SMC1B: variants seen among roughly 807,000 people sequenced by gnomAD.
SMC1B encodes the protein structural maintenance of chromosomes protein 1B.
In SMC1B, 60 loss-of-function variants were observed where a neutral mutation model predicts 157.9. The ratio of observed to expected loss-of-function variants is 0.38; its 90% CI spans 0.31 to 0.47. The LOEUF is 0.47. Ranked by LOEUF, SMC1B falls within the 20% of genes least tolerant of loss-of-function variation. SMC1B has a pLI of 0.99. For missense variants in SMC1B, 1,165 were observed against 1,426.2 expected (o/e 0.82, Z 2.95); for synonymous variants, 445 against 483.0 (o/e 0.92, Z 1.03).
intron 12 of SMC1B, among the ~76,000 whole-genome samples, chr22:45,381,062 C>T (rs2086931972): frequency 6.6e-6 from 1 of 151,404 alleles, no homozygotes; most frequent in Admixed American, 6.6e-5. Flanking sequence ...TCCCAAAATG[C>T]TGGGATTACA....
chr22:45,377,250 T>C (rs1333776942), intron 12 of SMC1B, among the ~76,000 whole-genome samples: 2 of 152,226 alleles, frequency 1.3e-5, no homozygotes, highest in Admixed American at 1.3e-4. Context: ...TTCATTAGGA[T>C]TGCAGAGTTT....
intron 4 of SMC1B, among the ~76,000 whole-genome samples, chr22:45,405,971 T>C (rs73169286): frequency 6.6e-6 from 1 of 152,332 alleles, no homozygotes; most frequent in Non-Finnish European, 1.5e-5. Flanking sequence ...TTCTAATTGG[T>C]TGTGGAAAAT....
intron 5 of SMC1B, among the ~76,000 whole-genome samples, chr22:45,401,804 T>C (rs1040734363): frequency 2.6e-5 from 4 of 152,038 alleles, no homozygotes; most frequent in African/African-American, 9.7e-5. Flanking sequence ...TCCTTGTGTG[T>C]CTGCATCCTT....
chr22:45,345,643 A>T, intron 23 of SMC1B, 74 bp from the exon 24 acceptor site: 1 of 902,696 alleles, frequency 1.1e-6, no homozygotes. Context: ...GTAATTCTGC[A>T]TGTCTCTGAG....
At chr22:45,401,852 C>CA (rs2087198228) in intron 5 of SMC1B, among the ~76,000 whole-genome samples, 1 of 85,472 alleles carries the variant, frequency 1.2e-5, no homozygotes. Context: ...TCGGGTATTA[C>CA]CCCAAACACC....
rs181524535 is a variant in SMC1B, at chr22:45,349,870, A to G, written c.3426-73T>C. Reference sequence around the variant, plus strand: ...ACAAAAGACTTGGAGGAAAAGATTAACAGTATTCAGAATAAATAAAACACA... The same window carrying G: ...ACAAAAGACTTGGAGGAAAAGATTAGCAGTATTCAGAATAAATAAAACACA... On this transcript the variant is annotated intron_variant, in intron 22 of 24. Transcript: ENST00000357450. 7.5e-5 allele frequency: 87 copies of G among 1,167,478 alleles called. No individual in the cohort carries two copies. The African/African-American group carries it at 1.2e-3, about 16-fold the overall frequency. 72.3% of individuals were successfully genotyped at this position (1,167,478 alleles called of 1,614,324 possible).
At chr22:45,363,343 TTC>T (rs2086739870) in intron 15 of SMC1B, among the ~76,000 whole-genome samples, 1 of 152,228 alleles carries the variant, frequency 6.6e-6, no homozygotes, top group Non-Finnish European at 1.5e-5. Flanking sequence ...TAAAATATAA[TTC>T]ATTAATATCA....
chr22:45,360,400 G>A (rs1435582341), intron 17 of SMC1B, among the ~76,000 whole-genome samples: 2 of 151,910 alleles, frequency 1.3e-5, no homozygotes, highest in East Asian at 3.9e-4. Flanking sequence ...TTTACTAATC[G>A]AAATGATGTG....
At position 45,383,474 on chromosome 22, in the gene SMC1B, T is replaced by C; in HGVS notation, c.2051A>G (p.Glu684Gly). Residue 684 changes from glutamate (E) to glycine (G), a missense_variant, in exon 12 of 25, where the codon GAG (glutamate) becomes GGG (glycine). Glu to Gly is a moderately conservative substitution (Grantham distance 98). Transcript: ENST00000357450. ...LRDRRSQKIQELKGLMKTLRK... is the reference protein window; with the variant it reads ...LRDRRSQKIQGLKGLMKTLRK... ...TTTATGACATGGATTTACCTTTAGC[T>C]CTTGGATTTTCTGGCTTCGTCTGTC... 6.3e-7 allele frequency: 1 copy of C among 1,595,804 alleles called. No homozygotes were observed. The highest frequency in any genetic ancestry group is 8.5e-7 in the Non-Finnish European group (1 of 1,174,878).
chr22:45,393,320 G>A (rs928055690), intron 9 of SMC1B, among the ~76,000 whole-genome samples: 1 of 152,094 alleles, frequency 6.6e-6, no homozygotes, highest in Admixed American at 6.5e-5. Flanking sequence ...TATGTGTCTG[G>A]GTGGCTCAGA....
chr22:45,394,669 T>C lies in SMC1B; in HGVS notation c.1337+16A>G. On this transcript the variant is annotated intron_variant, in intron 8 of 24. Transcript: ENST00000357450. ...AAAAGAAAATTGCTGCAAGAAATTT[T>C]TTTTACTCTACCTACATGCATGTCT... is the stretch of plus-strand genomic sequence containing the variant. The C allele has an allele frequency of 6.6e-7, 1 of 1,510,578 alleles. No individual in the cohort carries two copies. Among genetic ancestry groups the C allele is most frequent in the Non-Finnish European group, 8.9e-7 (1 of 1,127,820 alleles). The allele number at this position is 1,510,578 out of a possible 1,614,324, so 93.6% of individuals were successfully genotyped here. A position where few individuals can be genotyped will look rare whatever the true frequency, so the allele number is the denominator to read the frequency against.
intron 12 of SMC1B, among the ~76,000 whole-genome samples, chr22:45,372,575 C>T (rs1033024497): frequency 1.3e-5 from 2 of 152,106 alleles, no homozygotes; most frequent in Non-Finnish European, 2.9e-5. Flanking sequence ...ACATTAATGA[C>T]ATAAATAGGA....
intron 1 of SMC1B, among the ~76,000 whole-genome samples, chr22:45,410,786 C>T (rs748165205): frequency 7.2e-5 from 11 of 152,020 alleles, no homozygotes; most frequent in Non-Finnish European, 1.2e-4. Flanking sequence ...TATCAGCCAC[C>T]GGAAATATGG....
chr22:45,377,603 CTCT>C (rs1453756612), intron 12 of SMC1B, among the ~76,000 whole-genome samples: 1 of 150,442 alleles, frequency 6.6e-6, no homozygotes, highest in Non-Finnish European at 1.5e-5. Context: ...ACCCACTGTA[CTCT>C]AGCCTGGGCA....
chr22:45,376,350 G>T (rs1339361697), intron 12 of SMC1B, among the ~76,000 whole-genome samples: 2 of 152,132 alleles, frequency 1.3e-5, no homozygotes, highest in African/African-American at 4.8e-5. Flanking sequence ...CTATGTTGTA[G>T]CATATGCCAC....
At chr22:45,349,281 C>T (rs2086584790) in intron 23 of SMC1B, among the ~76,000 whole-genome samples, 1 of 152,092 alleles carries the variant, frequency 6.6e-6, no homozygotes, top group African/African-American at 2.4e-5. Flanking sequence ...TCCCAAAGTG[C>T]TGGGATTACA....
At chr22:45,345,820 G>A (rs866607530) in intron 23 of SMC1B, among the ~76,000 whole-genome samples, 37 of 152,326 alleles carry the variant, frequency 2.4e-4, no homozygotes, top group Middle Eastern at 6.8e-3. Context: ...TTAAGATACT[G>A]TGATGTGAAT....
At chr22:45,404,848 C>G (rs926209635) in intron 4 of SMC1B, among the ~76,000 whole-genome samples, 1 of 152,176 alleles carries the variant, frequency 6.6e-6, no homozygotes, top group Non-Finnish European at 1.5e-5. Flanking sequence ...GTGTCACAGG[C>G]CATGGTCACT....
chr22:45,371,505 C>T lies in SMC1B; in HGVS notation c.2279G>A (p.Arg760Gln), dbSNP rs1486091675. Residue 760 changes from arginine to glutamine, a missense_variant, in exon 14 of 25, where the codon CGA becomes CAA. Arg to Gln is a conservative substitution (Grantham distance 43). Transcript: ENST00000357450. ...MLSEGIKERQ[R>Q]RIKEFQEKID... The stretch of plus-strand genomic sequence containing the variant: ...CTTTTCTTGAAATTCTTTAATTCTT[C>T]GTTGTCGTTCCTTGATTCCTTCACT... 1.1e-5 allele frequency: 17 copies of T among 1,598,334 alleles called. No individual in the cohort carries two copies. In the East Asian group the frequency reaches 2.3e-4, roughly 21 times the overall value.
Sources: gnomAD v4.1 joint callset for allele counts (sites outside exome capture counted in the v4.1 genomes callset) on GRCh38, gnomAD v4.1.1 for gene constraint, MANE v1.5 for transcripts, NCBI Gene and HGNC (gene_info 2026-07-23, HGNC 2026-07-21) for gene names.